Variants in EPRS1 observed in about 807,000 individuals in gnomAD.
EPRS1 encodes the protein glutamyl-prolyl-tRNA synthetase 1.
EPRS1 carries 107 observed loss-of-function variants against 188.3 expected under a neutral mutation model. The observed-to-expected ratio is 0.57, with a 90% CI of 0.49 to 0.67. The LOEUF (loss-of-function observed/expected upper bound fraction) is 0.67. Ranked by LOEUF, EPRS1 falls within the 30% of genes least tolerant of loss-of-function variation. EPRS1 has a pLI of 0.00. For missense variants in EPRS1, 1,577 were observed against 1,802.2 expected (o/e 0.88, Z 2.26); for synonymous variants, 596 against 593.1 (o/e 1.00, Z -0.07).
chr1:220,034,749 G>T (rs1015896303), intron 3 of EPRS1, among the ~76,000 whole-genome samples, 165 bp downstream of exon 3: 1 of 152,026 alleles, frequency 6.6e-6, no homozygotes, highest in African/African-American at 2.4e-5. Context: ...GAATTTTTTT[G>T]TGACAAAAAA....
intron 12 of EPRS1, among the ~76,000 whole-genome samples, chr1:220,016,572 A>C (rs1295699375): frequency 9.9e-6 from 1 of 100,970 alleles, no homozygotes; most frequent in African/African-American, 3.8e-5. Context: ...GACCAGGCCT[A>C]GCTAATTTTT....
chr1:220,010,509 T>C (rs1661580851), intron 13 of EPRS1, among the ~76,000 whole-genome samples: 2 of 152,084 alleles, frequency 1.3e-5, no homozygotes, highest in Admixed American at 1.3e-4. Context: ...ATCCTGACAA[T>C]GTTGAATAGA....
At chr1:220,027,801 G>T (rs2102593831) in intron 6 of EPRS1, among the ~76,000 whole-genome samples, 1 of 151,790 alleles carries the variant, frequency 6.6e-6, no homozygotes, top group East Asian at 1.9e-4. Context: ...TGACCAACAT[G>T]GCGGAACTCT....
intron 14 of EPRS1, among the ~76,000 whole-genome samples, chr1:220,006,716 G>A (rs1288293252): frequency 6.6e-6 from 1 of 152,166 alleles, no homozygotes; most frequent in Non-Finnish European, 1.5e-5. Context: ...AGATTTCAGA[G>A]TTTGCATAAA....
At chr1:220,020,857 TATATATATATATA>T in intron 9 of EPRS1, among the ~76,000 whole-genome samples, 1 of 72,384 alleles carries the variant, frequency 1.4e-5, no homozygotes, top group Non-Finnish European at 3.4e-5. Context: ...TATATATATA[TATATATATATATA>T]TTAGTGCATT....
At chr1:219,986,307 G>A (rs1157279421) in intron 20 of EPRS1, among the ~76,000 whole-genome samples, 2 of 152,180 alleles carry the variant, frequency 1.3e-5, no homozygotes, top group Admixed American at 1.3e-4. Context: ...GCTGTTAGGT[G>A]ATTTCATCAT....
intron 18 of EPRS1, among the ~76,000 whole-genome samples, chr1:219,993,949 G>T (rs1366724034): frequency 6.6e-6 from 1 of 152,172 alleles, no homozygotes; most frequent in African/African-American, 2.4e-5. Flanking sequence ...AGTACACAGT[G>T]CCAGATGCAG....
At position 219,996,978 on chromosome 1, in the gene EPRS1, C is replaced by T; in HGVS notation, c.2541+5G>A. On this transcript the variant is annotated splice_donor_5th_base_variant and intron_variant, in intron 18 of 31. Coordinates refer to ENST00000366923, the MANE Select transcript of EPRS1 (RefSeq NM_004446.3). ...TGTGGTCTTGACTTTCTCTAACATA[C>T]TGACCTTAGGGGATTTTTCAGCTTT... 6.3e-7 allele frequency: 1 copy of T among 1,577,418 alleles called. No individual in the cohort carries two copies. The highest frequency in any genetic ancestry group is 1.4e-5 in the African/African-American group (1 of 73,816).
At chr1:220,045,281 G>A (rs757672410) in intron 1 of EPRS1, among the ~76,000 whole-genome samples, 16 of 152,146 alleles carry the variant, frequency 1.1e-4, no homozygotes, top group Non-Finnish European at 1.9e-4. Flanking sequence ...AGGATGGCTT[G>A]AGCCCAGGAG....
rs552719395 is a variant in EPRS1, at chr1:219,996,215, A to G, written c.2541+768T>C. Among the ~76,000 whole-genome samples, 4 of 152,334 alleles carry G rather than the reference A, an allele frequency of 2.6e-5. No homozygotes were observed. The East Asian group carries it at 7.7e-4, about 29-fold the overall frequency. ...ACCTACTTGGCTAAATGTTTTGCCT[A>G]AGGACATACTGAAACAAGAATATAA... is the stretch of plus-strand genomic sequence containing the variant. On this transcript the variant is annotated intron_variant, in intron 18 of 31. Coordinates refer to ENST00000366923, the MANE Select transcript of EPRS1 (RefSeq NM_004446.3).
intron 17 of EPRS1, among the ~76,000 whole-genome samples, chr1:219,998,918 CAA>C (rs35145633): frequency 0.011 from 1,397 of 126,388 alleles, 9 homozygotes; most frequent in Middle Eastern, 0.038. Flanking sequence ...AGTGTAACAC[CAA>C]AAAAAAAAAA....
chr1:220,022,952 T>C (rs1385895083), intron 8 of EPRS1, among the ~76,000 whole-genome samples: 2 of 152,150 alleles, frequency 1.3e-5, no homozygotes, highest in Admixed American at 1.3e-4. Context: ...GACAGAATGG[T>C]TTGGTCCGGC....
intron 28 of EPRS1, among the ~76,000 whole-genome samples, chr1:219,978,107 GA>G (rs888290918): frequency 3.3e-5 from 5 of 152,142 alleles, no homozygotes; most frequent in Non-Finnish European, 1.5e-5. Flanking sequence ...AAACTGGTAT[GA>G]AACAATGTGG....
intron 23 of EPRS1, among the ~76,000 whole-genome samples, chr1:219,982,265 A>ATCTTTCAGAGACTTT (rs1287078185): frequency 6.6e-6 from 1 of 152,202 alleles, no homozygotes; most frequent in Non-Finnish European, 1.5e-5. Flanking sequence ...AAATCATTTA[A>ATCTTTCAGAGACTTT]TCTTTCAGAG....
At chr1:219,987,542 A>G (rs1661029540) in intron 19 of EPRS1, 138 bp from the exon 20 acceptor site, 3 of 701,020 alleles carry the variant, frequency 4.3e-6, no homozygotes, top group Admixed American at 6.2e-5. Flanking sequence ...AGGTGGTGAT[A>G]AGGTTTGAGG....
At chr1:220,017,024 C>A (rs533055155) in intron 12 of EPRS1, among the ~76,000 whole-genome samples, 1 of 151,920 alleles carries the variant, frequency 6.6e-6, no homozygotes, top group African/African-American at 2.4e-5. Context: ...ACCAGCCTGG[C>A]GAACACAGTA....
intron 13 of EPRS1, among the ~76,000 whole-genome samples, chr1:220,008,402 TA>T (rs572428410): frequency 6.2e-4 from 90 of 145,662 alleles, no homozygotes; most frequent in South Asian, 3.2e-3. Context: ...TTGGCAGAAT[TA>T]AAAAAAAAAA....
At chr1:220,042,181 C>CG (rs1662308700) in intron 1 of EPRS1, among the ~76,000 whole-genome samples, 2 of 62,680 alleles carry the variant, frequency 3.2e-5, no homozygotes, top group South Asian at 1.1e-3. Context: ...ACTCCGTCCC[C>CG]AAAAAAAAAA....
intron 28 of EPRS1, among the ~76,000 whole-genome samples, chr1:219,974,925 T>C (rs1465746828): frequency 2.0e-5 from 3 of 152,166 alleles, no homozygotes; most frequent in Non-Finnish European, 4.4e-5. Context: ...AGTGAGAGAA[T>C]ATTCCTCAGC....
Sources: allele counts gnomAD v4.1 joint callset (sites outside exome capture counted in the v4.1 genomes callset), GRCh38; gene constraint gnomAD v4.1.1; transcripts MANE v1.5; gene names NCBI Gene and HGNC (gene_info 2026-07-23, HGNC 2026-07-21).